Variants in ASPRV1 observed in about 807,000 individuals in gnomAD.
ASPRV1 encodes aspartic peptidase retroviral like 1.
In ASPRV1, 7 loss-of-function variants were observed where a neutral mutation model predicts 11.0. The ratio of observed to expected loss-of-function variants is 0.64; its 90% CI spans 0.36 to 1.20. The LOEUF is 1.20. Among genes scored for constraint, ASPRV1 ranks in the 50% most tolerant of loss-of-function variants. ASPRV1 has a pLI of 0.02. For synonymous variants in ASPRV1, 136 were observed against 138.4 expected, an observed-to-expected ratio of 0.98 and a Z score of 0.12; for missense variants, 299 against 320.0, an observed-to-expected ratio of 0.93 and a Z score of 0.50.
chr2:69,977,294 G>A, the ASPRV1 span, among the ~76,000 whole-genome samples: 1 of 152,184 alleles, frequency 6.6e-6, no homozygotes, highest in African/African-American at 2.4e-5. Context: ...ACAACCTCCA[G>A]ACAAGCACAT....
the ASPRV1 span, among the ~76,000 whole-genome samples, chr2:69,979,102 T>C: frequency 2.0e-5 from 3 of 151,684 alleles, no homozygotes; most frequent in African/African-American, 7.3e-5. Flanking sequence ...TGGTGTGATC[T>C]CGGCTCACCG....
the ASPRV1 span, among the ~76,000 whole-genome samples, chr2:69,993,192 A>C: frequency 1.3e-5 from 2 of 152,316 alleles, no homozygotes; most frequent in South Asian, 4.1e-4. Flanking sequence ...CGAAGAGGGC[A>C]GAATTTGTCC....
chr2:70,055,287 G>A, the ASPRV1 span, among the ~76,000 whole-genome samples: 23 of 152,118 alleles, frequency 1.5e-4, no homozygotes, highest in Admixed American at 7.2e-4. Context: ...GCCACTGGGC[G>A]ACAGAGCAAG....
chr2:70,038,493 T>C, the ASPRV1 span, among the ~76,000 whole-genome samples: 5 of 152,080 alleles, frequency 3.3e-5, no homozygotes, highest in East Asian at 1.9e-4. Flanking sequence ...GGTGGGAGGA[T>C]TGCCTGAGGC....
At chr2:69,987,386 T>C in the ASPRV1 span, among the ~76,000 whole-genome samples, 1 of 151,916 alleles carries the variant, frequency 6.6e-6, no homozygotes, top group Non-Finnish European at 1.5e-5. Context: ...CCCCTGACAC[T>C]TCAGTCCCAT....
chr2:70,007,243 G>A, the ASPRV1 span, among the ~76,000 whole-genome samples: 10 of 152,210 alleles, frequency 6.6e-5, no homozygotes, highest in East Asian at 1.3e-3. Flanking sequence ...TAAGCCGGGC[G>A]CAGGTTGCTC....
chr2:70,055,252 A>T, the ASPRV1 span, among the ~76,000 whole-genome samples: 6 of 152,158 alleles, frequency 3.9e-5, no homozygotes, highest in Admixed American at 3.3e-4. Flanking sequence ...TGCAGTGAGC[A>T]GAGATCGTGC....
At chr2:70,035,602 G>T in the ASPRV1 span, among the ~76,000 whole-genome samples, 1 of 150,992 alleles carries the variant, frequency 6.6e-6, no homozygotes, top group African/African-American at 2.4e-5. Flanking sequence ...TCTAGCAATT[G>T]CAAGAAAATT....
the ASPRV1 span, among the ~76,000 whole-genome samples, chr2:69,999,233 G>C: frequency 2.6e-5 from 4 of 151,902 alleles, no homozygotes; most frequent in African/African-American, 9.7e-5. Flanking sequence ...CCGCCTCCCA[G>C]GTAGCTGGGA....
chr2:69,949,020 G>A, the ASPRV1 span, among the ~76,000 whole-genome samples: 168 of 152,242 alleles, frequency 1.1e-3, 1 homozygote, highest in African/African-American at 3.6e-3. Flanking sequence ...GTGTCCTTGA[G>A]GACCCCCGAC....
the ASPRV1 span, chr2:69,941,563 TGAGTG>T: frequency 6.6e-6 from 1 of 152,224 alleles, no homozygotes; most frequent in Non-Finnish European, 1.5e-5. Context: ...GTTGGCCACT[TGAGTG>T]TTTTGTTTTG....
At chr2:70,059,252 TTTTC>T in the ASPRV1 span, among the ~76,000 whole-genome samples, 230 of 148,712 alleles carry the variant, frequency 1.5e-3, no homozygotes, top group African/African-American at 5.4e-3. Flanking sequence ...TGCTGATTGG[TTTTC>T]TTTTTTTTTT....
the ASPRV1 span, among the ~76,000 whole-genome samples, chr2:69,951,578 CAT>C: frequency 2.7e-5 from 4 of 146,264 alleles, no homozygotes; most frequent in Admixed American, 6.8e-5. Context: ...TATATATAAA[CAT>C]ATATATAGAT....
At chr2:69,959,866 T>G (rs898786430), downstream of ASPRV1, among the ~76,000 whole-genome samples, 1 of 152,140 alleles carries the variant, frequency 6.6e-6, no homozygotes, top group African/African-American at 2.4e-5. Flanking sequence ...CAGATTGAAA[T>G]AAGTAGAGGA....
At chr2:70,086,988 G>GGCCTC in the ASPRV1 span, 1 of 152,060 alleles carries the variant, frequency 6.6e-6, no homozygotes, top group African/African-American at 2.4e-5. Context: ...CCGCTCCGCA[G>GGCCTC]GCCTCGCCTC....
the ASPRV1 span, among the ~76,000 whole-genome samples, chr2:69,999,865 C>T: frequency 6.6e-6 from 1 of 151,872 alleles, no homozygotes; most frequent in East Asian, 1.9e-4. Flanking sequence ...GGGTCAGCAC[C>T]TGTGAGTCAC....
the ASPRV1 span, chr2:70,015,648 G>T: frequency 1.3e-5 from 2 of 152,182 alleles, no homozygotes; most frequent in African/African-American, 4.8e-5. Flanking sequence ...TAGAGAGAGA[G>T]AGATTATAAT....
the ASPRV1 span, among the ~76,000 whole-genome samples, chr2:70,079,003 G>A: frequency 6.6e-6 from 1 of 152,080 alleles, no homozygotes; most frequent in Non-Finnish European, 1.5e-5. Context: ...ATTGGATGAA[G>A]AGAATGAAAA....
the ASPRV1 span, chr2:70,029,990 T>C: frequency 1.3e-5 from 2 of 152,206 alleles, no homozygotes; most frequent in African/African-American, 4.8e-5. Flanking sequence ...TTAAAATAGA[T>C]GCAAACTCCA....
Sources: allele counts gnomAD v4.1 joint callset (sites outside exome capture counted in the v4.1 genomes callset), GRCh38; gene constraint gnomAD v4.1.1; transcripts MANE v1.5; gene names NCBI Gene and HGNC (gene_info 2026-07-23, HGNC 2026-07-21).